ARID1B: variants seen among roughly 807,000 people sequenced by gnomAD.
ARID1B encodes the protein AT-rich interactive domain-containing protein 1B.
In ARID1B, 30 loss-of-function variants were observed where a neutral mutation model predicts 212.3. The observed-to-expected ratio is 0.14, with a 90% CI of 0.11 to 0.19. ARID1B has a LOEUF of 0.19. ARID1B is among the 10% of genes least tolerant of loss of function. The pLI is 1.00. For missense variants in ARID1B, 2,891 were observed against 3,204.0 expected (o/e 0.90, Z 2.36); for synonymous variants, 1,402 against 1,301.7 (o/e 1.08, Z -1.66).
intron 4 of ARID1B, among the ~76,000 whole-genome samples, chr6:157,002,324 A>G (rs1778958629): frequency 6.6e-6 from 1 of 152,184 alleles, no homozygotes; most frequent in African/African-American, 2.4e-5. Flanking sequence ...AGTTATCTTT[A>G]TGTTATCTTT....
intron 8 of ARID1B, chr6:157,165,865 TAAAA>T (rs377197844): frequency 6.6e-6 from 1 of 152,018 alleles, no homozygotes; most frequent in Non-Finnish European, 1.5e-5. Context: ...AACATAAAAA[TAAAA>T]AAATAAGATT....
At chr6:156,916,728 A>G (rs1275199578) in intron 3 of ARID1B, among the ~76,000 whole-genome samples, 2 of 151,882 alleles carry the variant, frequency 1.3e-5, no homozygotes, top group African/African-American at 2.4e-5. Flanking sequence ...CTCTCCTCCT[A>G]GTACCTTTAG....
At chr6:156,813,947 G>C (rs1781789327) in intron 1 of ARID1B, among the ~76,000 whole-genome samples, 1 of 152,170 alleles carries the variant, frequency 6.6e-6, no homozygotes, top group South Asian at 2.1e-4. Flanking sequence ...GTCAGACCCT[G>C]CCTTCATGCT....
At chr6:157,093,056 G>A (rs1431168849) in intron 5 of ARID1B, among the ~76,000 whole-genome samples, 1 of 152,196 alleles carries the variant, frequency 6.6e-6, no homozygotes, top group Non-Finnish European at 1.5e-5. Flanking sequence ...TGGAAATGCT[G>A]TTGGCATTGA....
intron 4 of ARID1B, among the ~76,000 whole-genome samples, chr6:157,043,347 G>T (rs1290094055): frequency 6.6e-6 from 1 of 151,936 alleles, no homozygotes; most frequent in African/African-American, 2.4e-5. Context: ...GATTTGTCTC[G>T]GCATGGGCGC....
At chr6:156,799,182 A>G (rs971956273) in intron 1 of ARID1B, among the ~76,000 whole-genome samples, 15 of 151,702 alleles carry the variant, frequency 9.9e-5, no homozygotes, top group Admixed American at 9.8e-4. Context: ...TGAATAATTA[A>G]TAATATAAAA....
chr6:156,799,894 T>TGCGC (rs1488894464), intron 1 of ARID1B, among the ~76,000 whole-genome samples: 4 of 152,190 alleles, frequency 2.6e-5, no homozygotes. Flanking sequence ...TTGAAGAAGC[T>TGCGC]GCGCAGTAAT....
chr6:157,127,220 G>T (rs539241906), intron 6 of ARID1B, among the ~76,000 whole-genome samples: 1 of 152,140 alleles, frequency 6.6e-6, no homozygotes, highest in Non-Finnish European at 1.5e-5. Flanking sequence ...ACTATTGAGC[G>T]CAGGTGAGGA....
At chr6:157,022,490 G>C (rs1206227986) in intron 4 of ARID1B, 1 of 152,186 alleles carries the variant, frequency 6.6e-6, no homozygotes, top group East Asian at 1.9e-4. Flanking sequence ...GGAGACTTTG[G>C]GATCACTGGG....
At chr6:157,136,990 C>G (rs142199291) in intron 7 of ARID1B, among the ~76,000 whole-genome samples, 9 of 152,166 alleles carry the variant, frequency 5.9e-5, no homozygotes, top group Non-Finnish European at 1.3e-4. Context: ...CCAGCCTGGG[C>G]AACATGGTAG....
At chr6:156,894,967 G>C (rs1788265630) in intron 2 of ARID1B, among the ~76,000 whole-genome samples, 1 of 152,182 alleles carries the variant, frequency 6.6e-6, no homozygotes, top group Non-Finnish European at 1.5e-5. Flanking sequence ...CAGGCATGTG[G>C]AATACAGTGA....
At chr6:156,898,741 G>C (rs1308675810) in intron 2 of ARID1B, among the ~76,000 whole-genome samples, 1 of 152,218 alleles carries the variant, frequency 6.6e-6, no homozygotes, top group African/African-American at 2.4e-5. Context: ...GGAGGCTGAG[G>C]TGGGCGGATC....
chr6:156,816,547 G>T (rs1781976282), intron 1 of ARID1B, among the ~76,000 whole-genome samples: 1 of 152,200 alleles, frequency 6.6e-6, no homozygotes, highest in Non-Finnish European at 1.5e-5. Flanking sequence ...TGCAGTTGAT[G>T]GTGATAAATT....
At chr6:156,789,248 G>A (rs1270452663) in intron 1 of ARID1B, among the ~76,000 whole-genome samples, 1 of 152,150 alleles carries the variant, frequency 6.6e-6, no homozygotes, top group African/African-American at 2.4e-5. Flanking sequence ...TTTGTATTGG[G>A]TGTCATTCAT....
intron 2 of ARID1B, among the ~76,000 whole-genome samples, chr6:156,866,576 A>T (rs1335875143): frequency 6.6e-6 from 1 of 152,178 alleles, no homozygotes; most frequent in Non-Finnish European, 1.5e-5. Flanking sequence ...CAGTACTGCC[A>T]TTTTTATTAC....
At chr6:156,838,734 A>AT (rs61126492) in intron 2 of ARID1B, among the ~76,000 whole-genome samples, 4 of 150,404 alleles carry the variant, frequency 2.7e-5, no homozygotes, top group African/African-American at 7.4e-5. Context: ...AATAATAATA[A>AT]ACAAAAAAAA....
At chr6:157,163,640 G>A (rs1289691351) in intron 8 of ARID1B, among the ~76,000 whole-genome samples, 1 of 152,192 alleles carries the variant, frequency 6.6e-6, no homozygotes, top group Admixed American at 6.5e-5. Context: ...AGGCCCAGTA[G>A]GCCTGCAGCA....
intron 3 of ARID1B, among the ~76,000 whole-genome samples, chr6:156,923,411 T>C (rs1216764626): frequency 6.6e-6 from 1 of 152,100 alleles, no homozygotes; most frequent in African/African-American, 2.4e-5. Context: ...ATCTGGTGGG[T>C]GGGAGCATCG....
At chr6:157,110,834 T>G (rs964553166) in intron 6 of ARID1B, 4 of 499,638 alleles carry the variant, frequency 8.0e-6, no homozygotes, top group Middle Eastern at 5.5e-4. Context: ...CACATATGAC[T>G]GTAGTCTGGT....
Sources: gnomAD v4.1 joint callset for allele counts (sites outside exome capture counted in the v4.1 genomes callset) on GRCh38, gnomAD v4.1.1 for gene constraint, MANE v1.5 for transcripts, NCBI Gene and HGNC (gene_info 2026-07-23, HGNC 2026-07-21) for gene names.